Variants in CFAP97D1 observed in about 807,000 individuals in gnomAD.
CFAP97D1 encodes sperm axonemal maintenance protein CFAP97D1.
In CFAP97D1, 15 loss-of-function variants were observed where a neutral mutation model predicts 20.5. The observed-to-expected ratio is 0.73, with a 90% CI of 0.49 to 1.13. The LOEUF is 1.13. CFAP97D1 is among the 50% of genes most tolerant of loss of function. The pLI, the probability that CFAP97D1 is intolerant of heterozygous loss-of-function variation, is 0.00. For missense variants in CFAP97D1, 168 were observed against 202.9 expected (o/e 0.83, Z 1.04); for synonymous variants, 58 against 71.2 (o/e 0.82, Z 0.93).
intron 2 of CFAP97D1, 34 bp from the exon 3 acceptor site, chr17:43,781,736 TGATG>T (rs1268670058): frequency 7.6e-7 from 1 of 1,322,116 alleles, no homozygotes; most frequent in Admixed American, 2.0e-5. Context: ...GGCAGTGCAC[TGATG>T]GTGTCACCAT....
rs1260219918 is a variant in CFAP97D1, at chr17:43,786,829, C to T, written c.*2447C>T. On this transcript the variant is annotated 3_prime_UTR_variant, in exon 6 of 6. Transcript: ENST00000449302. Reference sequence around the variant, plus strand: ...GGCTTTTTTCACTCAGGATAATTTCCTTGATGTTCATCCAAGTTGTGTGTG... The same window carrying T: ...GGCTTTTTTCACTCAGGATAATTTCTTTGATGTTCATCCAAGTTGTGTGTG... 6.6e-6 allele frequency: 1 copy of T among 152,130 alleles called. No homozygotes were observed. Among genetic ancestry groups the T allele is most frequent in the Non-Finnish European group, 1.5e-5 (1 of 68,042 alleles). 9.4% of individuals were successfully genotyped at this position (152,130 alleles called of 1,614,324 possible). A position where few individuals can be genotyped will look rare whatever the true frequency, so the allele number is the denominator to read the frequency against.
In CFAP97D1 at chr17:43,785,302, A is replaced by C. The variant is rs1204006109; in HGVS notation, c.*920A>C. The C allele has an allele frequency of 6.6e-6, 1 of 152,222 alleles. No homozygotes were observed. Among genetic ancestry groups the C allele is most frequent in the Non-Finnish European group, 1.5e-5 (1 of 68,050 alleles). The allele number at this position is 152,222 out of a possible 1,614,324, so 9.4% of individuals were successfully genotyped here. ...GAAGCAGCAGTGTTACAGCTCCATGACTGCTCCTGCAGTACAGGGCTACCC... is the reference window on the plus strand; with the variant it reads ...GAAGCAGCAGTGTTACAGCTCCATGCCTGCTCCTGCAGTACAGGGCTACCC... On this transcript the variant is annotated 3_prime_UTR_variant, in exon 6 of 6. Transcript: ENST00000449302.
In CFAP97D1 at chr17:43,784,538, G is replaced by C. The variant is rs1227093438; in HGVS notation, c.*156G>C. On this transcript the variant is annotated 3_prime_UTR_variant, in exon 6 of 6. Transcript: ENST00000449302. ...TAAGTTACATTTAGGGGACCCAAAG[G>C]CTTTATGTTCTCATTCCAAAATGGG... The C allele has an allele frequency of 1.3e-5, 2 of 152,160 alleles. No individual in the cohort carries two copies. The highest frequency in any genetic ancestry group is 2.4e-5 in the African/African-American group (1 of 41,430). 9.4% of individuals were successfully genotyped at this position (152,160 alleles called of 1,614,324 possible).
intron 5 of CFAP97D1, 90 bp downstream of exon 5, chr17:43,783,983 G>T: frequency 1.0e-6 from 1 of 996,024 alleles, no homozygotes; most frequent in Non-Finnish European, 1.5e-6. Context: ...GCCCAGTTAA[G>T]GAGACGGATT....
rs1334739960 is a variant in CFAP97D1 at position 43,786,698 on chromosome 17, C to G, written c.*2316C>G. ...CCCTTTTAGCCACAGTCACCTCAGA[C>G]CCTCAAGCCTAACTCTTGGCAATCA... is the stretch of plus-strand genomic sequence containing the variant. On this transcript the variant is annotated 3_prime_UTR_variant, in exon 6 of 6. Transcript: ENST00000449302. 6.6e-6 allele frequency: 1 copy of G among 152,210 alleles called. No homozygotes were observed. Among genetic ancestry groups the G allele is most frequent in the Admixed American group, 6.6e-5 (1 of 15,264 alleles). 9.4% of individuals were successfully genotyped at this position (152,210 alleles called of 1,614,324 possible).
At chr17:43,781,268 C>T in intron 2 of CFAP97D1, 79 bp downstream of exon 2, 1 of 1,181,302 alleles carries the variant, frequency 8.5e-7, no homozygotes, top group South Asian at 1.3e-5. Flanking sequence ...GTTCAATTTC[C>T]CAGAGCCTTC....
At position 43,781,954 on chromosome 17, in the gene CFAP97D1, T is replaced by C. The variant is rs151222840; in HGVS notation, c.314+62T>C. 1,824 of 1,140,294 alleles carry C rather than the reference T, an allele frequency of 1.6e-3. 25 individuals carry two copies. The African/African-American group carries it at 0.025, about 15-fold the overall frequency. The allele number at this position is 1,140,294 out of a possible 1,614,324, so 70.6% of individuals were successfully genotyped here. On this transcript the variant is annotated intron_variant, in intron 3 of 5. Transcript: ENST00000449302. ...CAAAATTGACTTTCCTCTTGGGTTT[T>C]AGTGTGAGGTTTTCCCAAGTCAGAG...
chr17:43,783,964 G>GA, intron 5 of CFAP97D1, 71 bp downstream of exon 5: 1 of 1,199,442 alleles, frequency 8.3e-7, no homozygotes, highest in South Asian at 1.4e-5. Flanking sequence ...CATAAATGGC[G>GA]AATGAGGGGC....
rs1457553169 is a variant in CFAP97D1, at chr17:43,784,994, A to T, written c.*612A>T. 5 of 151,644 alleles carry T rather than the reference A, an allele frequency of 3.3e-5. No individual in the cohort carries two copies. In the East Asian group the frequency reaches 9.7e-4, roughly 30 times the overall value. The allele number at this position is 151,644 out of a possible 1,614,324, so 9.4% of individuals were successfully genotyped here. On this transcript the variant is annotated 3_prime_UTR_variant, in exon 6 of 6. Coordinates refer to ENST00000449302, the MANE Select transcript of CFAP97D1 (RefSeq NM_001136483.3). ...TAGTCAGCATTTGCCAAAGAGACAG[A>T]CTCAATAGGAGAGAGAGAGAGAGAG...
chr17:43,782,232 T>C (rs1449322998), intron 3 of CFAP97D1, among the ~76,000 whole-genome samples: 1 of 152,168 alleles, frequency 6.6e-6, no homozygotes, highest in Non-Finnish European at 1.5e-5. Flanking sequence ...AACAAAAATT[T>C]CTCATAGTTC....
chr17:43,787,374 T>C lies in CFAP97D1; in HGVS notation c.*2992T>C, dbSNP rs1173912478. On this transcript the variant is annotated 3_prime_UTR_variant, in exon 6 of 6. Coordinates refer to ENST00000449302, the MANE Select transcript of CFAP97D1 (RefSeq NM_001136483.3). ...TTTTCTCCCAGTCTATAATTTGTCT[T>C]TTCATCCTCAGGGTCTTTGACAGAG... is the stretch of plus-strand genomic sequence containing the variant. 2.0e-5 allele frequency: 3 copies of C among 152,232 alleles called. No homozygotes were observed. The highest frequency in any genetic ancestry group is 7.2e-5 in the African/African-American group (3 of 41,454). 9.4% of individuals were successfully genotyped at this position (152,232 alleles called of 1,614,324 possible). A position where few individuals can be genotyped will look rare whatever the true frequency, so the allele number is the denominator to read the frequency against.
rs1330261135 is a variant in CFAP97D1, at chr17:43,781,806, T to C, written c.228T>C (p.Tyr76=). 1.3e-6 allele frequency: 2 copies of C among 1,551,584 alleles called. No homozygotes were observed. Among genetic ancestry groups the C allele is most frequent in the Non-Finnish European group, 1.7e-6 (2 of 1,146,904 alleles). ...GEQKKINKIE[Y]ENKQLCQKIA... ...AAAAGAAAATCAACAAAATCGAGTATGAAAACAAGCAACTGTGTCAGAAAA... is the reference window on the plus strand; with the variant it reads ...AAAAGAAAATCAACAAAATCGAGTACGAAAACAAGCAACTGTGTCAGAAAA... Residue 76 remains tyrosine (Y), a synonymous_variant, in exon 3 of 6, where the codon TAT becomes TAC. Coordinates refer to ENST00000449302, the MANE Select transcript of CFAP97D1 (RefSeq NM_001136483.3).
intron 2 of CFAP97D1, among the ~76,000 whole-genome samples, chr17:43,781,530 C>T (rs1317736103): frequency 6.6e-6 from 1 of 151,918 alleles, no homozygotes; most frequent in African/African-American, 2.4e-5. Context: ...CAGGGGTTCA[C>T]CATGTTGGCC....
intron 2 of CFAP97D1, 29 bp from the exon 3 acceptor site, chr17:43,781,745 C>T: frequency 7.2e-7 from 1 of 1,388,816 alleles, no homozygotes; most frequent in Non-Finnish European, 1.0e-6. Flanking sequence ...CTGATGGTGT[C>T]ACCATGGTGA....
chr17:43,783,308 G>T lies in CFAP97D1; in HGVS notation c.438+5G>T. 6.4e-7 allele frequency: 1 copy of T among 1,551,042 alleles called. No individual in the cohort carries two copies. The highest frequency in any genetic ancestry group is 8.7e-7 in the Non-Finnish European group (1 of 1,146,806). Reference sequence around the variant, plus strand: ...GCATCTGAGATAGACTGGCAGGCACGTGGGCACTCATGTTATACTCCCAGA... The same window carrying T: ...GCATCTGAGATAGACTGGCAGGCACTTGGGCACTCATGTTATACTCCCAGA... On this transcript the variant is annotated splice_donor_5th_base_variant and intron_variant, in intron 4 of 5. Transcript: ENST00000449302.
chr17:43,781,333 C>G (rs966047673), intron 2 of CFAP97D1, 144 bp downstream of exon 2: 1 of 697,604 alleles, frequency 1.4e-6, no homozygotes, highest in African/African-American at 1.8e-5. Context: ...ACGCGTCACC[C>G]CCAGTCGTTT....
chr17:43,783,390 C>A (rs2154590814), intron 4 of CFAP97D1, 87 bp downstream of exon 4: 1 of 1,453,872 alleles, frequency 6.9e-7, no homozygotes, highest in Non-Finnish European at 9.3e-7. Flanking sequence ...AATCCCTGAA[C>A]AGCTAGAGTC....
At chr17:43,784,156 T>C (rs553810813) in intron 5 of CFAP97D1, among the ~76,000 whole-genome samples, 1 of 152,204 alleles carries the variant, frequency 6.6e-6, no homozygotes, top group Admixed American at 6.5e-5. Context: ...CAATAAGACA[T>C]AAACTGGAAG....
At chr17:43,781,058 C>A in intron 1 of CFAP97D1, 61 bp from the exon 2 acceptor site, 1 of 1,322,092 alleles carries the variant, frequency 7.6e-7, no homozygotes, top group Non-Finnish European at 1.1e-6. Flanking sequence ...TGCTGGTTTT[C>A]TGAGGCCGCT....
Sources: allele counts gnomAD v4.1 joint callset (sites outside exome capture counted in the v4.1 genomes callset), GRCh38; gene constraint gnomAD v4.1.1; transcripts MANE v1.5; gene names NCBI Gene and HGNC (gene_info 2026-07-23, HGNC 2026-07-21).